The following CHST11 variants were observed in gnomAD, a reference collection of about 807,000 sequenced individuals.
The protein encoded by CHST11 is carbohydrate sulfotransferase 11, also known as C4S-1.
CHST11 carries 9 observed loss-of-function variants against 30.4 expected under a neutral mutation model. The observed-to-expected ratio is 0.30, with a 90% CI of 0.18 to 0.52. The LOEUF is 0.52. Among genes scored for constraint, CHST11 ranks in the 20% least tolerant of loss-of-function variants. The probability of loss-of-function intolerance (pLI) is 0.97; values close to 1 mark genes in which losing one functional copy is unlikely to be tolerated. For synonymous variants in CHST11, 152 were observed against 187.8 expected (o/e 0.81, Z 1.56); for missense variants, 348 against 460.6 (o/e 0.76, Z 2.24).
In CHST11 at chr12:104,569,961, C is replaced by T. The variant is rs184547911; in HGVS notation, c.119-31945C>T. 7.9e-5 allele frequency among the ~76,000 whole-genome samples: 12 copies of T among 152,244 alleles called. No homozygotes were observed. In the East Asian group the frequency reaches 2.3e-3, roughly 29 times the overall value. The stretch of plus-strand genomic sequence containing the variant: ...AGAGTGCTGGGCCATCTGAACAGCC[C>T]CCTCCACGGTCTGCAACATTTCTAC... On this transcript the variant is annotated intron_variant, in intron 1 of 2. Coordinates refer to ENST00000303694, the MANE Select transcript of CHST11 (RefSeq NM_018413.6).
chr12:104,642,818 A>G (rs956203122), intron 2 of CHST11, among the ~76,000 whole-genome samples: 34 of 151,670 alleles, frequency 2.2e-4, no homozygotes, highest in African/African-American at 7.3e-4. Flanking sequence ...TTTTTTTACA[A>G]TGAACATTTA....
At chr12:104,663,529 C>T (rs1267847047) in intron 2 of CHST11, among the ~76,000 whole-genome samples, 1 of 152,064 alleles carries the variant, frequency 6.6e-6, no homozygotes, top group Non-Finnish European at 1.5e-5. Flanking sequence ...AATGAATACT[C>T]CTAGCTTATA....
rs1029686959 is a variant in CHST11 at position 104,458,755 on chromosome 12, G to A, written c.118+1226G>A. On this transcript the variant is annotated intron_variant, in intron 1 of 2. Coordinates refer to ENST00000303694, the MANE Select transcript of CHST11 (RefSeq NM_018413.6). This position sits in a 1 kb window ranked among gnomAD's most constrained non-coding sequence, Gnocchi z 5.7. ...TAATTTGCTTTTCTAATTGCAAGGA[G>A]GAGGGAGGTGGAAACGCATTTCCTT... Among the ~76,000 whole-genome samples the A allele has an allele frequency of 2.6e-5, 4 of 152,240 alleles. No individual in the cohort carries two copies. Among genetic ancestry groups the A allele is most frequent in the African/African-American group, 7.2e-5 (3 of 41,464 alleles).
At chr12:104,639,683 G>A (rs1370849628) in intron 2 of CHST11, among the ~76,000 whole-genome samples, 3 of 152,112 alleles carry the variant, frequency 2.0e-5, no homozygotes, top group East Asian at 3.9e-4. Context: ...TGCCCTTCAC[G>A]GAATAAGAGT....
intron 2 of CHST11, among the ~76,000 whole-genome samples, chr12:104,651,987 T>G (rs1392990905): frequency 6.6e-6 from 1 of 152,236 alleles, no homozygotes; most frequent in Non-Finnish European, 1.5e-5. Context: ...CTTCTGCATT[T>G]CCTGGCTGGG....
Position 104,458,578 on chromosome 12 carries a change from G to A in CHST11, c.118+1049G>A, listed in dbSNP as rs143598038. Among the ~76,000 whole-genome samples, 1 of 152,340 alleles carries A rather than the reference G, an allele frequency of 6.6e-6. No individual in the cohort carries two copies. Among genetic ancestry groups the A allele is most frequent in the Non-Finnish European group, 1.5e-5 (1 of 68,030 alleles). On this transcript the variant is annotated intron_variant, in intron 1 of 2. Coordinates refer to ENST00000303694, the MANE Select transcript of CHST11 (RefSeq NM_018413.6). This position sits in a 1 kb window ranked among gnomAD's most constrained non-coding sequence, Gnocchi z 5.7. ...CGAAGCCCAACAGGTAGAACGTTCC[G>A]AGAAGCCTTCCGGGTAACGCGGGTC...
intron 1 of CHST11, among the ~76,000 whole-genome samples, chr12:104,516,883 C>G (rs113664069): frequency 7.2e-5 from 11 of 152,282 alleles, no homozygotes; most frequent in African/African-American, 2.6e-4. Context: ...ATTTCCTCCA[C>G]TCTACCTTCT....
intron 1 of CHST11, among the ~76,000 whole-genome samples, chr12:104,471,039 G>A (rs549653892): frequency 1.9e-3 from 292 of 152,212 alleles, no homozygotes; most frequent in Non-Finnish European, 3.3e-3. Flanking sequence ...TTTAGATGAC[G>A]CTCATGTCTT....
At chr12:104,488,709 G>A (rs2037714326) in intron 1 of CHST11, among the ~76,000 whole-genome samples, 1 of 150,172 alleles carries the variant, frequency 6.7e-6, no homozygotes, top group Admixed American at 6.7e-5. Context: ...GTGTATGTGT[G>A]TATGTGTGCG....
chr12:104,498,378 ATTTT>A (rs2037821202), intron 1 of CHST11, among the ~76,000 whole-genome samples: 1 of 152,144 alleles, frequency 6.6e-6, no homozygotes, highest in Admixed American at 6.5e-5. Flanking sequence ...ATATGGGTCC[ATTTT>A]ATTTTAAAGG....
chr12:104,649,153 G>C (rs531547980), intron 2 of CHST11, among the ~76,000 whole-genome samples: 3 of 152,146 alleles, frequency 2.0e-5, no homozygotes, highest in African/African-American at 7.2e-5. Flanking sequence ...GATGGGGCTA[G>C]GGGTGGGAAA....
At chr12:104,491,096 A>T (rs1235452377) in intron 1 of CHST11, among the ~76,000 whole-genome samples, 1 of 151,944 alleles carries the variant, frequency 6.6e-6, no homozygotes, top group Non-Finnish European at 1.5e-5. Context: ...TTATCTGTTA[A>T]CAATTATCTC....
intron 1 of CHST11, among the ~76,000 whole-genome samples, chr12:104,596,827 A>G (rs1017251615): frequency 7.2e-5 from 11 of 152,164 alleles, no homozygotes; most frequent in African/African-American, 2.7e-4. Flanking sequence ...TTCTGCTGCT[A>G]GCTACACTGG....
chr12:104,469,432 G>A (rs1593951418), intron 1 of CHST11, among the ~76,000 whole-genome samples: 1 of 152,172 alleles, frequency 6.6e-6, no homozygotes, highest in East Asian at 1.9e-4. Flanking sequence ...GAAATAACAG[G>A]CACTGGTCAA....
At position 104,629,778 on chromosome 12, in the gene CHST11, C is replaced by T. The variant is rs141819200; in HGVS notation, c.204+27787C>T. On this transcript the variant is annotated intron_variant, in intron 2 of 2. Coordinates refer to ENST00000303694, the MANE Select transcript of CHST11 (RefSeq NM_018413.6). The stretch of plus-strand genomic sequence containing the variant: ...TGGAGGTTGCAGTGAGCTGAGGTCG[C>T]GGCACTGCACTCCAGCCTGGGCAAG... Among the ~76,000 whole-genome samples the T allele has an allele frequency of 1.3e-3, 192 of 152,258 alleles. 1 individual carries two copies. The highest frequency in any genetic ancestry group is 4.1e-3 in the African/African-American group (171 of 41,554).
At chr12:104,560,536 G>T (rs1344538518) in intron 1 of CHST11, among the ~76,000 whole-genome samples, 1 of 152,162 alleles carries the variant, frequency 6.6e-6, no homozygotes, top group Non-Finnish European at 1.5e-5. Context: ...GGAAGAGACG[G>T]TCATACCTCA....
At chr12:104,686,232 TAA>T (rs55789725) in intron 2 of CHST11, among the ~76,000 whole-genome samples, 9,127 of 99,180 alleles carry the variant, frequency 0.092, 944 homozygotes, top group African/African-American at 0.26. Context: ...ACTCACCTCT[TAA>T]AAAAAAAAAA....
At chr12:104,566,666 C>A (rs564768824) in intron 1 of CHST11, among the ~76,000 whole-genome samples, 1 of 152,212 alleles carries the variant, frequency 6.6e-6, no homozygotes, top group South Asian at 2.1e-4. Flanking sequence ...ATGAGTGTGG[C>A]CTTTATAACT....
chr12:104,488,372 CGTGTGTATGT>C (rs1244430968), intron 1 of CHST11, among the ~76,000 whole-genome samples: 87 of 151,066 alleles, frequency 5.8e-4, no homozygotes, highest in African/African-American at 2.0e-3. Context: ...TATGTGTATG[CGTGTGTATGT>C]GTGTGTATGT....
Sources: gnomAD v4.1 joint callset for allele counts (sites outside exome capture counted in the v4.1 genomes callset) on GRCh38, gnomAD v4.1.1 for gene constraint, Gnocchi (gnomAD v3.1) non-coding constraint, MANE v1.5 for transcripts, NCBI Gene and HGNC (gene_info 2026-07-23, HGNC 2026-07-21) for gene names.